PTPRD: variants seen among roughly 807,000 people sequenced by gnomAD.
PTPRD encodes receptor-type tyrosine-protein phosphatase delta.
Under a neutral mutation model 214.5 loss-of-function variants are expected in PTPRD, and 34 were observed. That is an observed-to-expected ratio of 0.16 (90% CI 0.12 to 0.21). PTPRD has a LOEUF of 0.21. Ranked by LOEUF, PTPRD falls within the 10% of genes least tolerant of loss-of-function variation. The pLI, the probability that PTPRD is intolerant of heterozygous loss-of-function variation, is 1.00. For missense variants in PTPRD, 2,545 were observed against 2,398.7 expected (o/e 1.06, Z -1.27); for synonymous variants, 1,128 against 845.7 (o/e 1.33, Z -5.79).
chr9:9,218,810 T>G (rs2099953984), intron 9 of PTPRD, among the ~76,000 whole-genome samples: 1 of 152,116 alleles, frequency 6.6e-6, no homozygotes. Context: ...CCCTCACAGC[T>G]GACGAGGTAA....
At chr9:9,642,325 T>C (rs1330608395) in intron 7 of PTPRD, among the ~76,000 whole-genome samples, 3 of 143,328 alleles carry the variant, frequency 2.1e-5, no homozygotes, top group Non-Finnish European at 4.6e-5. Context: ...AGATGACGAG[T>C]TAGTGGGTGC....
intron 8 of PTPRD, among the ~76,000 whole-genome samples, chr9:9,475,796 G>A (rs2094984667): frequency 6.6e-6 from 1 of 152,158 alleles, no homozygotes; most frequent in Non-Finnish European, 1.5e-5. Flanking sequence ...TCTTGTGTGT[G>A]ACTTGGCAAT....
intron 5 of PTPRD, among the ~76,000 whole-genome samples, chr9:9,865,532 G>A (rs1010928141): frequency 1.3e-5 from 2 of 152,108 alleles, no homozygotes; most frequent in African/African-American, 4.8e-5. Context: ...TCATCAGTGT[G>A]CCCTCTCAAC....
Position 8,978,250 on chromosome 9 carries a change from C to G in PTPRD, c.-104+40447G>C, listed in dbSNP as rs563206716. Among the ~76,000 whole-genome samples the G allele has an allele frequency of 2.2e-4, 33 of 152,234 alleles. No individual in the cohort carries two copies. In the South Asian group the frequency reaches 6.8e-3, roughly 32 times the overall value. On this transcript the variant is annotated intron_variant, in intron 11 of 45. Coordinates refer to ENST00000381196, the MANE Select transcript of PTPRD (RefSeq NM_002839.4). Reference sequence around the variant, plus strand: ...TCAGTCTCAAAGGGTAGCAAGGCCTCAGCTGATGCATGGACAACATTCTTC... The same window carrying G: ...TCAGTCTCAAAGGGTAGCAAGGCCTGAGCTGATGCATGGACAACATTCTTC...
intron 9 of PTPRD, among the ~76,000 whole-genome samples, chr9:9,381,874 G>T (rs1596758798): frequency 6.7e-6 from 1 of 149,588 alleles, no homozygotes; most frequent in African/African-American, 2.5e-5. Context: ...GTGGTTCCAT[G>T]TGAAATTTAG....
rs145472833 is a variant in PTPRD at position 10,246,104 on chromosome 9, T to C, written c.-545+94859A>G. ...CTAGCAATCACATACTTCACAATAA[T>C]GGTTAAAAGAATAATCCAACTCTTA... On this transcript the variant is annotated intron_variant, in intron 3 of 45. Coordinates refer to ENST00000381196, the MANE Select transcript of PTPRD (RefSeq NM_002839.4). Among the ~76,000 whole-genome samples the C allele has an allele frequency of 1.7e-4, 26 of 152,264 alleles. No individual in the cohort carries two copies. In the East Asian group the frequency reaches 4.8e-3, roughly 28 times the overall value.
chr9:9,417,317 C>A (rs535893390), intron 8 of PTPRD, among the ~76,000 whole-genome samples: 5 of 152,050 alleles, frequency 3.3e-5, no homozygotes, highest in Admixed American at 2.6e-4. Flanking sequence ...TAGATTCATT[C>A]CACAAACATC....
At chr9:8,772,535 G>A (rs1049484953) in intron 11 of PTPRD, among the ~76,000 whole-genome samples, 1 of 152,030 alleles carries the variant, frequency 6.6e-6, no homozygotes, top group East Asian at 1.9e-4. Flanking sequence ...TGTGGTCCCA[G>A]CTACTCAGGA....
Position 8,316,620 on chromosome 9 carries a change from A to G in PTPRD, c.*1254T>C, listed in dbSNP as rs1224237572. 1 of 230,732 alleles carries G rather than the reference A, an allele frequency of 4.3e-6. No homozygotes were observed. The highest frequency in any genetic ancestry group is 8.6e-6 in the Non-Finnish European group (1 of 116,326). The allele number at this position is 230,732 out of a possible 1,614,324, so 14.3% of individuals were successfully genotyped here. On this transcript the variant is annotated 3_prime_UTR_variant, in exon 46 of 46. Coordinates refer to ENST00000381196, the MANE Select transcript of PTPRD (RefSeq NM_002839.4). ...CACATGCACACCTCTTAGCTATTTA[A>G]TAATAATTTTTATTGCACTAGAGTG...
chr9:8,465,423 A>C (rs1335664017), intron 32 of PTPRD, 43 bp downstream of exon 32: 2 of 1,556,682 alleles, frequency 1.3e-6, no homozygotes, highest in African/African-American at 1.4e-5. Context: ...GTGAAAATGT[A>C]TAAGCGTACC....
intron 2 of PTPRD, among the ~76,000 whole-genome samples, chr9:10,471,213 G>A (rs548205695): frequency 2.6e-5 from 4 of 151,928 alleles, no homozygotes; most frequent in Non-Finnish European, 5.9e-5. Flanking sequence ...GGTTGATGGG[G>A]GCAGCAAACC....
At chr9:9,213,503 T>G (rs2099950144) in intron 9 of PTPRD, among the ~76,000 whole-genome samples, 1 of 146,372 alleles carries the variant, frequency 6.8e-6, no homozygotes, top group South Asian at 2.2e-4. Context: ...TCAAATGCCC[T>G]GTTTTCCTGG....
rs1350648944 is a variant in PTPRD, at chr9:8,516,167, G to C, written c.1543+1681C>G. ...ATCTCATAATAGTTAACCACTTTTA[G>C]TCAAGAAAAAGCAAAACAAGATTTA... On this transcript the variant is annotated intron_variant, in intron 21 of 45. Transcript: ENST00000381196. Among the ~76,000 whole-genome samples, 8 of 152,276 alleles carry C rather than the reference G, an allele frequency of 5.3e-5. No homozygotes were observed. The East Asian group carries it at 1.5e-3, about 29-fold the overall frequency.
intron 4 of PTPRD, among the ~76,000 whole-genome samples, chr9:9,954,306 A>C (rs1296917272): frequency 2.7e-5 from 4 of 146,326 alleles, no homozygotes; most frequent in African/African-American, 7.9e-5. Context: ...ACAAAAAAAA[A>C]AAAAAAAAAA....
intron 11 of PTPRD, among the ~76,000 whole-genome samples, chr9:8,779,618 TCA>T (rs1367318001): frequency 2.0e-5 from 3 of 152,126 alleles, no homozygotes; most frequent in African/African-American, 7.2e-5. Flanking sequence ...CCTCTCTCCC[TCA>T]CACACACAGA....
chr9:9,044,147 C>A lies in PTPRD; in HGVS notation c.-142-25412G>T, dbSNP rs539082136. Among the ~76,000 whole-genome samples the A allele has an allele frequency of 6.6e-5, 10 of 152,214 alleles. No homozygotes were observed. The South Asian group carries it at 1.9e-3, about 28-fold the overall frequency. ...AGTTATTTTTATATGACAACATGAA[C>A]TTCCATTCTGTTTTTACAGATTCAG... On this transcript the variant is annotated intron_variant, in intron 10 of 45. Transcript: ENST00000381196.
intron 5 of PTPRD, among the ~76,000 whole-genome samples, chr9:9,845,494 G>C (rs1444587457): frequency 6.6e-6 from 1 of 151,640 alleles, no homozygotes; most frequent in Non-Finnish European, 1.5e-5. Flanking sequence ...GTGTGTTTGA[G>C]GGTGAGGTGG....
chr9:9,516,717 T>C (rs1470935836), intron 8 of PTPRD, among the ~76,000 whole-genome samples: 2 of 151,928 alleles, frequency 1.3e-5, no homozygotes, highest in Admixed American at 6.6e-5. Context: ...TTTGTATTTT[T>C]AGTAAAGACG....
At chr9:10,337,970 T>C (rs1328211126) in intron 3 of PTPRD, among the ~76,000 whole-genome samples, 1 of 151,694 alleles carries the variant, frequency 6.6e-6, no homozygotes, top group African/African-American at 2.4e-5. Flanking sequence ...AATATAAAAT[T>C]TTTTTTAAAT....
Sources: allele counts gnomAD v4.1 joint callset (sites outside exome capture counted in the v4.1 genomes callset), GRCh38; gene constraint gnomAD v4.1.1; transcripts MANE v1.5; gene names NCBI Gene and HGNC (gene_info 2026-07-23, HGNC 2026-07-21).